Variants in HAUS8 observed in about 807,000 individuals in gnomAD.
The protein encoded by HAUS8 is HAUS augmin-like complex subunit 8.
A neutral mutation model predicts 42.9 loss-of-function variants in HAUS8; 38 were observed. The ratio of observed to expected loss-of-function variants is 0.89; its 90% CI spans 0.68 to 1.16. The LOEUF (loss-of-function observed/expected upper bound fraction) is 1.16. Among genes scored for constraint, HAUS8 ranks in the 50% most tolerant of loss-of-function variants. HAUS8 has a pLI of 0.00. For missense variants in HAUS8, 494 were observed against 511.6 expected (o/e 0.97, Z 0.33); for synonymous variants, 199 against 205.8 (o/e 0.97, Z 0.28).
intron 2 of HAUS8, 58 bp from the exon 3 acceptor site, chr19:17,069,144 A>G (rs1329987668): frequency 6.6e-7 from 1 of 1,505,332 alleles, no homozygotes. Flanking sequence ...GACCCCACAC[A>G]CCCAGACCCC....
chr19:17,073,346 A>C lies in HAUS8; in HGVS notation c.30-11T>G. 6.2e-7 allele frequency: 1 copy of C among 1,611,472 alleles called. No homozygotes were observed. Among genetic ancestry groups the C allele is most frequent in the South Asian group, 1.1e-5 (1 of 91,044 alleles). ...CCGGTTGCAGGCTTCCTGCAAGAGA[A>C]GAGAGAGAGGTCTTGTTCACCTCAC... is the stretch of plus-strand genomic sequence containing the variant. On this transcript the variant is annotated splice_polypyrimidine_tract_variant and intron_variant, in intron 1 of 10. Transcript: ENST00000253669.
intron 2 of HAUS8, 108 bp downstream of exon 2, chr19:17,073,166 G>T: frequency 1.1e-6 from 1 of 948,498 alleles, no homozygotes; most frequent in Non-Finnish European, 1.7e-6. Context: ...GTGACTACAA[G>T]GAAGTAAAGC....
intron 8 of HAUS8, among the ~76,000 whole-genome samples, chr19:17,057,762 G>A (rs750910222): frequency 4.6e-5 from 7 of 152,104 alleles, no homozygotes; most frequent in Admixed American, 2.0e-4. Context: ...CCAGTACCTT[G>A]GAATGTGCCC....
At chr19:17,053,385 A>G (rs2057299862) in intron 9 of HAUS8, 1 of 200,588 alleles carries the variant, frequency 5.0e-6, no homozygotes, top group South Asian at 8.8e-5. Context: ...GCACTAGGAC[A>G]ACACGCCTCT....
chr19:17,064,326 G>A (rs984327498), intron 3 of HAUS8, among the ~76,000 whole-genome samples: 36 of 152,160 alleles, frequency 2.4e-4, no homozygotes, highest in African/African-American at 8.0e-4. Flanking sequence ...CCTGATTTAT[G>A]GATTCAATAT....
In HAUS8 at chr19:17,055,823, C is replaced by T. The variant is rs188248915; in HGVS notation, c.787+38G>A. On this transcript the variant is annotated intron_variant, in intron 9 of 10. Transcript: ENST00000253669. ...AAGCACCCACACACGCTCCTCGCCC[C>T]GCCTGCTGCACACGCACTGGGACGC... 1.7e-4 allele frequency: 271 copies of T among 1,590,574 alleles called. 1 individual carries two copies. The East Asian group carries it at 3.5e-3, about 21-fold the overall frequency.
intron 10 of HAUS8, among the ~76,000 whole-genome samples, chr19:17,050,589 G>A (rs913968499): frequency 2.0e-5 from 3 of 152,030 alleles, no homozygotes; most frequent in African/African-American, 4.8e-5. Context: ...GCAAAACCAC[G>A]TCTATACAAA....
chr19:17,058,754 C>A, intron 7 of HAUS8, 47 bp from the exon 8 acceptor site: 2 of 1,605,918 alleles, frequency 1.2e-6, no homozygotes, highest in Non-Finnish European at 1.7e-6. Flanking sequence ...ACTCCCTCCC[C>A]GTGAATGGAG....
At chr19:17,055,144 ATATATATATATATATATATATAT>A (rs1349258217) in intron 9 of HAUS8, 28 of 2,382 alleles carry the variant, frequency 0.012, 6 homozygotes, top group Middle Eastern at 0.17. Flanking sequence ...AAAAAAAAAA[ATATATATATATATATATATATAT>A]ATATATATAT....
At chr19:17,063,677 A>G (rs144427612) in intron 3 of HAUS8, among the ~76,000 whole-genome samples, 4 of 152,324 alleles carry the variant, frequency 2.6e-5, no homozygotes, top group African/African-American at 4.8e-5. Context: ...TGCCCTCCCC[A>G]GTGTGTATGG....
At chr19:17,072,712 G>A (rs925923886) in intron 2 of HAUS8, among the ~76,000 whole-genome samples, 12 of 151,770 alleles carry the variant, frequency 7.9e-5, no homozygotes, top group Non-Finnish European at 1.5e-5. Context: ...GCAGTGGTGC[G>A]ATCTTGGCTC....
In HAUS8 at chr19:17,052,825, C is replaced by T; in HGVS notation, c.929G>A (p.Arg310Lys). The T allele has an allele frequency of 6.2e-7, 1 of 1,614,184 alleles. No individual in the cohort carries two copies. Among genetic ancestry groups the T allele is most frequent in the Non-Finnish European group, 8.5e-7 (1 of 1,180,030 alleles). Reference protein sequence around the residue: ...VTAKKDLELRRSFAQVLELSA... With the variant: ...VTAKKDLELRKSFAQVLELSA... ...TTTCTTAAAGCATTTTCCGAGGTAC[C>T]TTCGGAGCTCAAGGTCCTTTTTCGC... is the stretch of plus-strand genomic sequence containing the variant. The change falls in exon 10 of 11, where the codon AGG (arginine) becomes AAG (lysine). Residue 310 changes from arginine to lysine, a missense_variant and splice_region_variant. By Grantham distance (26) the Arg-to-Lys change is conservative. Transcript: ENST00000253669.
chr19:17,050,983 C>T (rs544333696), intron 10 of HAUS8, among the ~76,000 whole-genome samples: 1 of 152,182 alleles, frequency 6.6e-6, no homozygotes, highest in South Asian at 2.1e-4. Context: ...TCGCTTGAGC[C>T]TCGGAGGCAG....
intron 3 of HAUS8, among the ~76,000 whole-genome samples, chr19:17,066,732 G>C (rs1031781440): frequency 6.6e-6 from 1 of 152,138 alleles, no homozygotes; most frequent in Non-Finnish European, 1.5e-5. Flanking sequence ...GTTTTTCTAC[G>C]AGCCAGCAAT....
Position 17,050,033 on chromosome 19 carries a change from C to G in HAUS8, c.1073G>C (p.Gly358Ala). ...FNQDSACRES[G>A]GAPKNTPLSE... ...CAGGGGCGTGTTCTTGGGTGCTCCC[C>G]CAGATTCTCTGCAGGCACTGTCTTG... The change falls in exon 11 of 11, where the codon GGG becomes GCG. Residue 358 changes from glycine to alanine, a missense_variant. Gly to Ala is a moderately conservative substitution (Grantham distance 60). Coordinates refer to ENST00000253669, the MANE Select transcript of HAUS8 (RefSeq NM_033417.2). 1.2e-6 allele frequency: 2 copies of G among 1,609,014 alleles called. No individual in the cohort carries two copies. The highest frequency in any genetic ancestry group is 1.7e-6 in the Non-Finnish European group (2 of 1,178,142).
chr19:17,057,677 G>T (rs1005819646), intron 8 of HAUS8, among the ~76,000 whole-genome samples: 3 of 152,058 alleles, frequency 2.0e-5, no homozygotes, highest in African/African-American at 7.2e-5. Flanking sequence ...CTAGCTGCAC[G>T]GGTGCTCACA....
intron 8 of HAUS8, among the ~76,000 whole-genome samples, chr19:17,056,771 A>C (rs1403523487): frequency 6.6e-6 from 1 of 151,718 alleles, no homozygotes; most frequent in Non-Finnish European, 1.5e-5. Flanking sequence ...TTGTATTTTT[A>C]GTAGAGACGG....
intron 2 of HAUS8, among the ~76,000 whole-genome samples, chr19:17,070,689 G>A (rs1342252020): frequency 6.6e-6 from 1 of 152,150 alleles, no homozygotes; most frequent in Non-Finnish European, 1.5e-5. Context: ...CCTCCCTAGA[G>A]CCCCAGGGGC....
At chr19:17,063,841 T>C (rs560104248) in intron 3 of HAUS8, among the ~76,000 whole-genome samples, 3 of 152,346 alleles carry the variant, frequency 2.0e-5, no homozygotes, top group African/African-American at 7.2e-5. Flanking sequence ...TTGGCTCCCC[T>C]GGTCTCAGCC....
Sources: allele counts gnomAD v4.1 joint callset (sites outside exome capture counted in the v4.1 genomes callset), GRCh38; gene constraint gnomAD v4.1.1; transcripts MANE v1.5; gene names NCBI Gene and HGNC (gene_info 2026-07-23, HGNC 2026-07-21).